MAML3: variants seen among roughly 807,000 people sequenced by gnomAD.
MAML3 encodes the protein mastermind-like protein 3.
A neutral mutation model predicts 101.9 loss-of-function variants in MAML3; 27 were observed. The observed-to-expected ratio is 0.27, with a 90% CI of 0.20 to 0.37. The LOEUF is 0.37. MAML3 is among the 10% of genes least tolerant of loss of function. The probability of loss-of-function intolerance (pLI) is 1.00; values close to 1 mark genes in which losing one functional copy is unlikely to be tolerated. For missense variants in MAML3, 1,316 were observed against 1,444.9 expected (o/e 0.91, Z 1.45); for synonymous variants, 501 against 555.9 (o/e 0.90, Z 1.39).
At chr4:140,130,787 T>C (rs1419389508) in intron 1 of MAML3, among the ~76,000 whole-genome samples, 1 of 152,112 alleles carries the variant, frequency 6.6e-6, no homozygotes, top group African/African-American at 2.4e-5. Context: ...AAATAGTCAA[T>C]ATTATGCAGG....
rs563145383 is a variant in MAML3, at chr4:139,965,468, TGCCTTTGAGAATG to T, written c.469-74514_469-74502del. The stretch of plus-strand genomic sequence containing the variant: ...CATGTTTTAAAATGTTCCCTACAAT[TGCCTTTGAGAATG>T]GCAGCTTAATATCTTCATGTCCTCT... On this transcript the variant is annotated intron_variant, in intron 1 of 4. Coordinates refer to ENST00000509479, the MANE Select transcript of MAML3 (RefSeq NM_018717.5). Among the ~76,000 whole-genome samples the T allele has an allele frequency of 4.6e-3, 706 of 152,340 alleles. 8 individuals are homozygous for T. Among genetic ancestry groups the T allele is most frequent in the African/African-American group, 0.015 (644 of 41,580 alleles).
chr4:140,020,546 T>A lies in MAML3; in HGVS notation c.469-129579A>T, dbSNP rs151130251. Among the ~76,000 whole-genome samples the A allele has an allele frequency of 3.2e-3, 482 of 152,298 alleles. 6 individuals are homozygous for A. Among genetic ancestry groups the A allele is most frequent in the African/African-American group, 0.011 (460 of 41,570 alleles). On this transcript the variant is annotated intron_variant, in intron 1 of 4. Coordinates refer to ENST00000509479, the MANE Select transcript of MAML3 (RefSeq NM_018717.5). ...ATTGAGCAAAAGTGTATAAATATAT[T>A]ACAGAATAAAGAGAAAAAGTAACCC...
chr4:140,071,711 T>A (rs1304674868), intron 1 of MAML3, among the ~76,000 whole-genome samples: 1 of 143,184 alleles, frequency 7.0e-6, no homozygotes, highest in East Asian at 2.1e-4. Context: ...TCAGATCCAA[T>A]ACACAGAAAA....
intron 1 of MAML3, among the ~76,000 whole-genome samples, chr4:140,082,863 A>G (rs1727883672): frequency 6.6e-6 from 1 of 152,112 alleles, no homozygotes; most frequent in Non-Finnish European, 1.5e-5. Flanking sequence ...CCTAAATTCA[A>G]AAAGAACCAG....
chr4:139,824,142 C>A (rs1036993192), intron 2 of MAML3, among the ~76,000 whole-genome samples: 2 of 152,148 alleles, frequency 1.3e-5, no homozygotes, highest in African/African-American at 4.8e-5. Context: ...CCACCCCCAG[C>A]TTGGAATTTA....
intron 1 of MAML3, among the ~76,000 whole-genome samples, chr4:140,094,268 A>T (rs993666046): frequency 6.6e-6 from 1 of 152,238 alleles, no homozygotes; most frequent in African/African-American, 2.4e-5. Flanking sequence ...TGAGGTGCCA[A>T]AGTAATTGTA....
At chr4:140,096,531 T>C (rs752490609) in intron 1 of MAML3, among the ~76,000 whole-genome samples, 1 of 152,202 alleles carries the variant, frequency 6.6e-6, no homozygotes. Flanking sequence ...TTATTCTTGC[T>C]TAACATTCAC....
Position 140,153,858 on chromosome 4 carries a change from C to T in MAML3, c.-531G>A, listed in dbSNP as rs902255711. The T allele has an allele frequency of 2.6e-5, 4 of 154,180 alleles. No homozygotes were observed. The highest frequency in any genetic ancestry group is 9.6e-5 in the African/African-American group (4 of 41,456). The allele number at this position is 154,180 out of a possible 1,614,324, so 9.6% of individuals were successfully genotyped here. ...CAAGCTTGCTTATTGCATTTTCCTT[C>T]CACAAAAAAGTTTTGGTGTTTATGC... is the stretch of plus-strand genomic sequence containing the variant. On this transcript the variant is annotated 5_prime_UTR_variant, in exon 1 of 5. The change creates a premature stop within an existing upstream ORF in the 5' untranslated region. Coordinates refer to ENST00000509479, the MANE Select transcript of MAML3 (RefSeq NM_018717.5).
chr4:140,069,891 G>A (rs931708447), intron 1 of MAML3, among the ~76,000 whole-genome samples: 6 of 152,028 alleles, frequency 3.9e-5, no homozygotes, highest in Non-Finnish European at 5.9e-5. Context: ...CGAGGCTGGC[G>A]GATTACCTGA....
At chr4:139,969,241 G>T (rs568167613) in intron 1 of MAML3, among the ~76,000 whole-genome samples, 1 of 151,636 alleles carries the variant, frequency 6.6e-6, no homozygotes, top group South Asian at 2.1e-4. Flanking sequence ...GGCTGACCAG[G>T]ATTTGTAGCA....
At chr4:139,787,563 G>C (rs998312677) in intron 2 of MAML3, among the ~76,000 whole-genome samples, 2 of 152,106 alleles carry the variant, frequency 1.3e-5, no homozygotes, top group African/African-American at 2.4e-5. Context: ...TATCTCCTGT[G>C]ATAACCCAAA....
intron 2 of MAML3, among the ~76,000 whole-genome samples, chr4:139,827,593 C>T (rs963434694): frequency 6.6e-6 from 1 of 152,106 alleles, no homozygotes; most frequent in African/African-American, 2.4e-5. Context: ...CAATTTTTTT[C>T]CAATCCAATA....
chr4:140,078,377 A>G (rs1342792795), intron 1 of MAML3, among the ~76,000 whole-genome samples: 2 of 152,208 alleles, frequency 1.3e-5, no homozygotes, highest in Non-Finnish European at 2.9e-5. Flanking sequence ...GGACTCTTTT[A>G]ATCATTACTA....
Position 139,725,640 on chromosome 4 carries a change from T to C in MAML3, c.2416+111A>G, listed in dbSNP as rs552166890. 4.9e-5 allele frequency: 51 copies of C among 1,040,198 alleles called. 1 individual carries two copies. In the African/African-American group the frequency reaches 6.5e-4, roughly 13 times the overall value. 64.4% of individuals were successfully genotyped at this position (1,040,198 alleles called of 1,614,324 possible). On this transcript the variant is annotated intron_variant, in intron 4 of 4. Coordinates refer to ENST00000509479, the MANE Select transcript of MAML3 (RefSeq NM_018717.5). ...TTAACCTACCAGTAGTTACATATTT[T>C]GAGTATTTCCTGGACACAAATACAG...
At chr4:139,768,612 T>A (rs75581566) in intron 2 of MAML3, among the ~76,000 whole-genome samples, 5,704 of 152,344 alleles carry the variant, frequency 0.037, 353 homozygotes, top group African/African-American at 0.13. Context: ...TAAACTGTTC[T>A]ACTAATGTTC....
rs1387710395 is a variant in MAML3, at chr4:139,801,631, A to AGG, written c.2080-70966_2080-70965dup. 8.3e-3 allele frequency among the ~76,000 whole-genome samples: 586 copies of AGG among 70,576 alleles called. 4 individuals carry two copies. The highest frequency in any genetic ancestry group is 0.025 in the African/African-American group (513 of 20,650). 46.3% of individuals were successfully genotyped at this position (70,576 alleles called of 152,430 possible). On this transcript the variant is annotated intron_variant, in intron 2 of 4. Coordinates refer to ENST00000509479, the MANE Select transcript of MAML3 (RefSeq NM_018717.5). ...GACCTAATTTGAAAAGAGCAGGAAC[A>AGG]GGGTGTGTGTGGGTGTGTGTGTGTG...
At chr4:139,929,963 G>A (rs1733348693) in intron 1 of MAML3, among the ~76,000 whole-genome samples, 1 of 152,146 alleles carries the variant, frequency 6.6e-6, no homozygotes, top group African/African-American at 2.4e-5. Flanking sequence ...AGGGGAATGG[G>A]TCCTCACTGA....
At chr4:139,935,185 C>T (rs1244659234) in intron 1 of MAML3, among the ~76,000 whole-genome samples, 2 of 150,840 alleles carry the variant, frequency 1.3e-5, no homozygotes, top group African/African-American at 4.9e-5. Context: ...CAGGCAGATG[C>T]AGTTACATGG....
At chr4:140,047,968 T>C (rs1370905686) in intron 1 of MAML3, among the ~76,000 whole-genome samples, 1 of 152,110 alleles carries the variant, frequency 6.6e-6, no homozygotes, top group African/African-American at 2.4e-5. Flanking sequence ...GTTCTCAACA[T>C]TTGGTAAGGC....
Sources: gnomAD v4.1 joint callset for allele counts (sites outside exome capture counted in the v4.1 genomes callset) on GRCh38, gnomAD v4.1.1 for gene constraint, MANE v1.5 for transcripts, NCBI Gene and HGNC (gene_info 2026-07-23, HGNC 2026-07-21) for gene names.